Variants in SKP2 observed in about 807,000 individuals in gnomAD.
SKP2 encodes the protein S-phase kinase-associated protein 2.
In SKP2, 16 loss-of-function variants were observed where a neutral mutation model predicts 51.8. The observed-to-expected ratio is 0.31, with a 90% confidence interval of 0.21 to 0.47. The LOEUF is 0.47. SKP2 is among the 20% of genes least tolerant of loss of function. The probability of loss-of-function intolerance (pLI) is 1.00; values close to 1 mark genes in which losing one functional copy is unlikely to be tolerated. For missense variants in SKP2, 377 were observed against 505.3 expected, an observed-to-expected ratio of 0.75 and a Z score of 2.43; for synonymous variants, 176 against 198.6, an observed-to-expected ratio of 0.89 and a Z score of 0.96.
At chr5:36,181,229 G>A (rs1409613442) in intron 9 of SKP2, among the ~76,000 whole-genome samples, 1 of 152,108 alleles carries the variant, frequency 6.6e-6, no homozygotes, top group African/African-American at 2.4e-5. Flanking sequence ...GTCTCTACCT[G>A]TACCCAACTG....
Position 36,183,166 on chromosome 5 carries a change from C to T in SKP2, c.*1135C>T. 6.2e-6 allele frequency: 6 copies of T among 973,928 alleles called. No individual in the cohort carries two copies. The highest frequency in any genetic ancestry group is 7.3e-6 in the Non-Finnish European group (6 of 819,558). 60.3% of individuals were successfully genotyped at this position (973,928 alleles called of 1,614,324 possible). On this transcript the variant is annotated 3_prime_UTR_variant, in exon 10 of 10. Coordinates refer to ENST00000274255, the MANE Select transcript of SKP2 (RefSeq NM_005983.4). ...CAGTAGTAAGCACTACTTATACCTA[C>T]ATAAGAGTTAAAATCCAGATGTGGG... is the stretch of plus-strand genomic sequence containing the variant.
At chr5:36,166,445 G>C (rs1745291023) in intron 3 of SKP2, 74 bp from the exon 4 acceptor site, 1 of 1,306,876 alleles carries the variant, frequency 7.7e-7, no homozygotes, top group African/African-American at 1.5e-5. Flanking sequence ...TGTCCTACCT[G>C]TTAGTAATGT....
intron 4 of SKP2, among the ~76,000 whole-genome samples, chr5:36,167,732 C>T (rs11738371): frequency 0.76 from 115,864 of 151,940 alleles, 45,954 homozygotes; most frequent in Non-Finnish European, 0.88. Context: ...GCAATTCTGC[C>T]TCAGCCTCTC....
Position 36,183,858 on chromosome 5 carries a change from G to A in SKP2, c.*1827G>A. 1 of 1,605,314 alleles carries A rather than the reference G, an allele frequency of 6.2e-7. No individual in the cohort carries two copies. Among genetic ancestry groups the A allele is most frequent in the Non-Finnish European group, 8.5e-7 (1 of 1,178,142 alleles). On this transcript the variant is annotated 3_prime_UTR_variant, in exon 10 of 10. Coordinates refer to ENST00000274255, the MANE Select transcript of SKP2 (RefSeq NM_005983.4). Reference sequence around the variant, plus strand: ...TTTACAGATTAGTGACAAGAGCTGGGGTTAGGATCCGGTTGGACTCTGACA... The same window carrying A: ...TTTACAGATTAGTGACAAGAGCTGGAGTTAGGATCCGGTTGGACTCTGACA...
At position 36,183,607 on chromosome 5, in the gene SKP2, G is replaced by T. The variant is rs1020518439; in HGVS notation, c.*1576G>T. On this transcript the variant is annotated 3_prime_UTR_variant, in exon 10 of 10. Transcript: ENST00000274255. ...AAAATCACAAAAACTAGTTTAAATT[G>T]ATGACTTGTTCGTATGTTCAAAATG... The T allele has an allele frequency of 1.7e-6, 2 of 1,150,456 alleles. No individual in the cohort carries two copies. Among genetic ancestry groups the T allele is most frequent in the Non-Finnish European group, 2.1e-6 (2 of 937,728 alleles). The allele number at this position is 1,150,456 out of a possible 1,614,324, so 71.3% of individuals were successfully genotyped here. A position where few individuals can be genotyped will look rare whatever the true frequency, so the allele number is the denominator to read the frequency against.
At chr5:36,158,704 A>C (rs1745029322) in intron 2 of SKP2, among the ~76,000 whole-genome samples, 1 of 152,192 alleles carries the variant, frequency 6.6e-6, no homozygotes, top group Non-Finnish European at 1.5e-5. Flanking sequence ...GAGAGCATAG[A>C]ATATTAGAAC....
Position 36,163,716 on chromosome 5 carries a change from C to A in SKP2, c.352C>A (p.Leu118Ile). 3 of 1,613,848 alleles carry A rather than the reference C, an allele frequency of 1.9e-6. No individual in the cohort carries two copies. In the East Asian group the frequency reaches 6.7e-5, roughly 36 times the overall value. Residue 118 changes from leucine (L) to isoleucine (I), a missense_variant, in exon 3 of 10, where the codon CTA becomes ATA. Leu to Ile is a conservative substitution (Grantham distance 5). Transcript: ENST00000274255. Reference protein sequence around the residue: ...IFSCLCLPELLKVSGVCKRWY... With the variant: ...IFSCLCLPELIKVSGVCKRWY... Reference sequence around the variant, plus strand: ...TTCCTGTCTGTGCCTCCCTGAGCTGCTAAAGGTCTCTGGTGTTTGTAAGAG... The same window carrying A: ...TTCCTGTCTGTGCCTCCCTGAGCTGATAAAGGTCTCTGGTGTTTGTAAGAG...
At chr5:36,170,552 T>C (rs1244398415) in intron 6 of SKP2, 110 bp downstream of exon 6, 2 of 635,128 alleles carry the variant, frequency 3.1e-6, no homozygotes, top group African/African-American at 1.9e-5. Context: ...CTTTCCAGGC[T>C]CTTGATTTGG....
At position 36,184,113 on chromosome 5, in the gene SKP2, T is replaced by C. The variant is rs144727330; in HGVS notation, c.*2082T>C. The C allele has an allele frequency of 1.2e-3, 785 of 667,610 alleles. 6 individuals carry two copies. In the African/African-American group the frequency reaches 0.013, roughly 11 times the overall value. 41.4% of individuals were successfully genotyped at this position (667,610 alleles called of 1,614,324 possible). On this transcript the variant is annotated 3_prime_UTR_variant, in exon 10 of 10. Coordinates refer to ENST00000274255, the MANE Select transcript of SKP2 (RefSeq NM_005983.4). ...TAAAATTTGAAAGCATTTAGTGTGG[T>C]ATGCCATTTGGCTTAGATACCTCTA... is the stretch of plus-strand genomic sequence containing the variant.
intron 2 of SKP2, among the ~76,000 whole-genome samples, chr5:36,156,458 G>T (rs913152140): frequency 3.9e-5 from 6 of 152,138 alleles, no homozygotes; most frequent in Non-Finnish European, 7.3e-5. Context: ...CAGTCCAGCC[G>T]TACATCTGGC....
chr5:36,184,733 G>A (rs1357290840), downstream of SKP2, among the ~76,000 whole-genome samples: 1 of 152,160 alleles, frequency 6.6e-6, no homozygotes, highest in African/African-American at 2.4e-5. Flanking sequence ...ACGTTTGCAT[G>A]TGTCTTTATA....
intron 7 of SKP2, among the ~76,000 whole-genome samples, chr5:36,172,279 T>C (rs1314123822): frequency 3.2e-5 from 2 of 63,328 alleles, no homozygotes; most frequent in African/African-American, 5.9e-5. Flanking sequence ...ATAAACTCTG[T>C]TAATAAGTTC....
Position 36,182,538 on chromosome 5 carries a change from G to A in SKP2, c.*507G>A. 3 of 984,894 alleles carry A rather than the reference G, an allele frequency of 3.0e-6. No individual in the cohort carries two copies. The highest frequency in any genetic ancestry group is 3.6e-6 in the Non-Finnish European group (3 of 829,446). 61.0% of individuals were successfully genotyped at this position (984,894 alleles called of 1,614,324 possible). ...CTGAGGCCATCTTTTCTAGGAATAG[G>A]AAAGAGAAAAATGTATTTGAATTTT... is the stretch of plus-strand genomic sequence containing the variant. On this transcript the variant is annotated 3_prime_UTR_variant, in exon 10 of 10. Transcript: ENST00000274255.
At chr5:36,166,939 G>T (rs1038965262) in intron 4 of SKP2, among the ~76,000 whole-genome samples, 1 of 152,008 alleles carries the variant, frequency 6.6e-6, no homozygotes, top group African/African-American at 2.4e-5. Flanking sequence ...CTGATAGGGG[G>T]ACTGTGAGTC....
Position 36,177,009 on chromosome 5 carries a change from G to T in SKP2, c.946G>T (p.Asp316Tyr). Reference protein sequence around the residue: ...VRRCPNLVHLDLSDSVMLKND... With the variant: ...VRRCPNLVHLYLSDSVMLKND... ...AAGATGCCCCAATCTTGTCCATCTA[G>T]ACTTAAGGTATTTTTTTATTTGTTT... The change falls in exon 8 of 10, where the codon GAC becomes TAC. Residue 316 changes from aspartate to tyrosine, a missense_variant. Physicochemically the swap from Asp to Tyr is radical, Grantham distance 160. Around this residue, in one of 2 missense-constraint regions of SKP2, gnomAD observed 262 missense variants for 389.8 expected, o/e 0.67. Coordinates refer to ENST00000274255, the MANE Select transcript of SKP2 (RefSeq NM_005983.4). 6.3e-7 allele frequency: 1 copy of T among 1,591,232 alleles called. No individual in the cohort carries two copies.
chr5:36,177,678 T>G (rs1048333329), intron 9 of SKP2, among the ~76,000 whole-genome samples: 1 of 152,038 alleles, frequency 6.6e-6, no homozygotes, highest in South Asian at 2.1e-4. Context: ...TTAACTCCAG[T>G]TGATTCCAAA....
chr5:36,154,694 A>AT (rs923760832), intron 2 of SKP2, among the ~76,000 whole-genome samples: 5 of 151,976 alleles, frequency 3.3e-5, no homozygotes, highest in African/African-American at 9.7e-5. Flanking sequence ...ACGCCCAGCA[A>AT]TTTTTTTATT....
Position 36,166,562 on chromosome 5 carries a change from A to G in SKP2, c.436A>G (p.Asn146Asp). The part of the protein sequence containing the change: ...LWQTLDLTGK[N>D]LHPDVTGRLL... ...GCAGACCTTAGACCTCACAGGTAAA[A>G]ATCTGCACCCGGATGTGACTGGTCG... Residue 146 changes from asparagine to aspartate, a missense_variant, in exon 4 of 10, where the codon AAT (asparagine) becomes GAT (aspartate). By Grantham distance (23) the Asn-to-Asp change is conservative. Coordinates refer to ENST00000274255, the MANE Select transcript of SKP2 (RefSeq NM_005983.4). 6.2e-7 allele frequency: 1 copy of G among 1,613,980 alleles called. No homozygotes were observed. The highest frequency in any genetic ancestry group is 1.1e-5 in the South Asian group (1 of 91,066).
At position 36,182,380 on chromosome 5, in the gene SKP2, GCAAA is replaced by G; in HGVS notation, c.*353_*356del. On this transcript the variant is annotated 3_prime_UTR_variant, in exon 10 of 10. Coordinates refer to ENST00000274255, the MANE Select transcript of SKP2 (RefSeq NM_005983.4). ...GAATCAAGCTTAAAAATTACCACCA[GCAAA>G]CAATCTTCATAGCCCATATAACTTT... The G allele has an allele frequency of 1.9e-6, 2 of 1,036,022 alleles. No homozygotes were observed. The highest frequency in any genetic ancestry group is 1.2e-6 in the Non-Finnish European group (1 of 861,246). 64.2% of individuals were successfully genotyped at this position (1,036,022 alleles called of 1,614,324 possible). A position where few individuals can be genotyped will look rare whatever the true frequency, so the allele number is the denominator to read the frequency against.
Sources: allele counts gnomAD v4.1 joint callset (sites outside exome capture counted in the v4.1 genomes callset), GRCh38; gene constraint gnomAD v4.1.1; regional missense constraint gnomAD v4.1.1; transcripts MANE v1.5; gene names NCBI Gene and HGNC (gene_info 2026-07-23, HGNC 2026-07-21).